The following COL12A1 variants were observed in gnomAD, a reference collection of about 807,000 sequenced individuals.
COL12A1 encodes collagen alpha-1(XII) chain.
Under a neutral mutation model 349.7 loss-of-function variants are expected in COL12A1, and 114 were observed. That is an observed-to-expected ratio of 0.33 (90% CI 0.28 to 0.38). The LOEUF is 0.38. COL12A1 is among the 10% of genes least tolerant of loss of function. COL12A1 has a pLI of 1.00. For missense variants in COL12A1, 3,284 were observed against 3,756.9 expected, an observed-to-expected ratio of 0.87 and a Z score of 3.29; for synonymous variants, 1,369 against 1,329.0, an observed-to-expected ratio of 1.03 and a Z score of -0.66.
chr6:75,148,296 C>T (rs906635583), intron 22 of COL12A1, 62 bp downstream of exon 22: 1 of 1,524,824 alleles, frequency 6.6e-7, no homozygotes. Context: ...TTCTCAGAGT[C>T]CTAATGAGGA....
chr6:75,148,509 A>C lies in COL12A1; in HGVS notation c.4148-12T>G. 6.2e-7 allele frequency: 1 copy of C among 1,609,352 alleles called. No homozygotes were observed. The highest frequency in any genetic ancestry group is 8.5e-7 in the Non-Finnish European group (1 of 1,176,878). On this transcript the variant is annotated splice_polypyrimidine_tract_variant and intron_variant, in intron 21 of 65. Transcript: ENST00000322507. ...TGCTTCCAAATCACCTACACATGGAAATAAAGGGTATACACTTTTCTCATT... is the reference window on the plus strand; with the variant it reads ...TGCTTCCAAATCACCTACACATGGACATAAAGGGTATACACTTTTCTCATT...
Position 75,177,804 on chromosome 6 carries a change from T to C in COL12A1, c.2296A>G (p.Arg766Gly). 6.2e-7 allele frequency: 1 copy of C among 1,614,160 alleles called. No homozygotes were observed. Among genetic ancestry groups the C allele is most frequent in the Non-Finnish European group, 8.5e-7 (1 of 1,180,024 alleles). ...TGATTGGGTGGGGTGGTAACTTCTC[T>C]GCTCTCTCCACCAGCAACTGGTCTA... is the stretch of plus-strand genomic sequence containing the variant. ...IYRPVAGGESREVTTPPNQRR... is the reference protein window; with the variant it reads ...IYRPVAGGESGEVTTPPNQRR... Residue 766 changes from arginine (R) to glycine (G), a missense_variant, in exon 12 of 66, where the codon AGA (arginine) becomes GGA (glycine). Around this residue, in one of 2 missense-constraint regions of COL12A1, gnomAD observed 2,601 missense variants for 2,824.8 expected, o/e 0.92. Coordinates refer to ENST00000322507, the MANE Select transcript of COL12A1 (RefSeq NM_004370.6).
chr6:75,149,132 T>C (rs1203594225), intron 21 of COL12A1, among the ~76,000 whole-genome samples: 1 of 152,088 alleles, frequency 6.6e-6, no homozygotes, highest in Admixed American at 6.6e-5. Flanking sequence ...GGTAGGTCTT[T>C]ATTAGCAGCA....
At position 75,085,444 on chromosome 6, in the gene COL12A1, C is replaced by G. The variant is rs982481828; in HGVS notation, c.*1103G>C. 1 of 431,940 alleles carries G rather than the reference C, an allele frequency of 2.3e-6. No homozygotes were observed. The highest frequency in any genetic ancestry group is 2.0e-5 in the African/African-American group (1 of 49,266). 26.8% of individuals were successfully genotyped at this position (431,940 alleles called of 1,614,324 possible). A position where few individuals can be genotyped will look rare whatever the true frequency, so the allele number is the denominator to read the frequency against. ...CACACAGCAAAAGCTAAATCATCAC[C>G]CGCGGTGATGGCACTCCAGTCTTAA... On this transcript the variant is annotated 3_prime_UTR_variant, in exon 66 of 66. Coordinates refer to ENST00000322507, the MANE Select transcript of COL12A1 (RefSeq NM_004370.6).
At chr6:75,160,293 A>G (rs1027940365) in intron 14 of COL12A1, among the ~76,000 whole-genome samples, 1 of 152,126 alleles carries the variant, frequency 6.6e-6, no homozygotes, top group Non-Finnish European at 1.5e-5. Flanking sequence ...TCTAACCCCA[A>G]TTCATGATTT....
At position 75,123,446 on chromosome 6, in the gene COL12A1, A is replaced by T. The variant is rs1273343208; in HGVS notation, c.6872-42T>A. The T allele has an allele frequency of 2.1e-6, 3 of 1,434,126 alleles. No homozygotes were observed. The East Asian group carries it at 7.4e-5, about 36-fold the overall frequency. 88.8% of individuals were successfully genotyped at this position (1,434,126 alleles called of 1,614,324 possible). On this transcript the variant is annotated intron_variant, in intron 42 of 65. Coordinates refer to ENST00000322507, the MANE Select transcript of COL12A1 (RefSeq NM_004370.6). ...ATAATTATAAAAACACACCATGTGC[A>T]CATTTGATATCCCAGAAAGTAAATT...
chr6:75,144,594 AGTAAGTGG>A (rs1401124940), intron 25 of COL12A1, among the ~76,000 whole-genome samples: 4 of 152,202 alleles, frequency 2.6e-5, no homozygotes, highest in African/African-American at 9.6e-5. Context: ...GGCAAGAGGC[AGTAAGTGG>A]GTAAATGCAA....
intron 13 of COL12A1, among the ~76,000 whole-genome samples, chr6:75,171,422 C>T (rs528188971): frequency 5.9e-5 from 9 of 152,278 alleles, no homozygotes; most frequent in Admixed American, 3.3e-4. Flanking sequence ...AAAAAAAGTA[C>T]TAGGAAATAG....
At chr6:75,137,918 T>TTCTC (rs138347813) in intron 30 of COL12A1, among the ~76,000 whole-genome samples, 2 of 151,672 alleles carry the variant, frequency 1.3e-5, no homozygotes, top group Non-Finnish European at 2.9e-5. Flanking sequence ...AGAGAGTTTA[T>TTCTC]TCTCTCTCTC....
rs1768489269 is a variant in COL12A1 at position 75,105,215 on chromosome 6, TG to T, written c.8255del (p.Pro2752GlnfsTer31). The T allele has an allele frequency of 6.2e-7, 1 of 1,613,042 alleles. No homozygotes were observed. Among genetic ancestry groups the T allele is most frequent in the Admixed American group, 1.7e-5 (1 of 59,928 alleles). On this transcript the variant is annotated frameshift_variant, in exon 54 of 66. Transcript: ENST00000322507. LOFTEE classifies it high-confidence loss of function. Reference protein sequence around the residue: ...TQDSVGPPGPPGPAGGPGAKG... With the variant: ...TQDSVGPPGPXGPAGGPGAKG... ...ATTTCAATTTCCTTACTGCAGGGCC[TG>T]GAGGTCCTGGAGGTCCAACGCTGTC...
intron 35 of COL12A1, among the ~76,000 whole-genome samples, chr6:75,131,736 T>C (rs900382145): frequency 1.3e-5 from 2 of 152,234 alleles, no homozygotes; most frequent in East Asian, 3.8e-4. Context: ...TTTTAACTCA[T>C]CCAGCTAATT....
chr6:75,084,943 C>T lies in COL12A1; in HGVS notation c.*1604G>A, dbSNP rs774948758. 88 of 273,468 alleles carry T rather than the reference C, an allele frequency of 3.2e-4. No individual in the cohort carries two copies. The highest frequency in any genetic ancestry group is 1.4e-3 in the Middle Eastern group (1 of 734). 16.9% of individuals were successfully genotyped at this position (273,468 alleles called of 1,614,324 possible). Reference sequence around the variant, plus strand: ...ACTAAAGGCACACGGCATGTTCTCTCTTTGCAGCTTTTGTTAACAAAGTAT... The same window carrying T: ...ACTAAAGGCACACGGCATGTTCTCTTTTTGCAGCTTTTGTTAACAAAGTAT... On this transcript the variant is annotated 3_prime_UTR_variant, in exon 66 of 66. Coordinates refer to ENST00000322507, the MANE Select transcript of COL12A1 (RefSeq NM_004370.6).
chr6:75,171,053 G>A (rs368123157), intron 13 of COL12A1, among the ~76,000 whole-genome samples: 74 of 152,234 alleles, frequency 4.9e-4, no homozygotes, highest in Middle Eastern at 3.4e-3. Flanking sequence ...GTGGTCAATC[G>A]CTGAATTAAA....
At position 75,181,063 on chromosome 6, in the gene COL12A1, T is replaced by G. The variant is rs1769252375; in HGVS notation, c.2040A>C (p.Pro680=). ...AGDDEVTVVE[P]ASSTSVVLSS... Reference sequence around the variant, plus strand: ...TGAGAACAACACTGGTGCTCGATGCTGGCTCCACCACAGTGACCTCATCAT... The same window carrying G: ...TGAGAACAACACTGGTGCTCGATGCGGGCTCCACCACAGTGACCTCATCAT... The change falls in exon 11 of 66, where the codon CCA becomes CCC. Residue 680 remains proline, a synonymous_variant. Transcript: ENST00000322507. The G allele has an allele frequency of 6.2e-7, 1 of 1,614,132 alleles. No homozygotes were observed.
At chr6:75,139,102 C>G in intron 27 of COL12A1, 141 bp from the exon 28 acceptor site, 1 of 871,800 alleles carries the variant, frequency 1.1e-6, no homozygotes, top group Non-Finnish European at 1.7e-6. Flanking sequence ...AATATTTCAC[C>G]AATTCCTAGA....
chr6:75,194,911 T>C lies in COL12A1; in HGVS notation c.110A>G (p.Asp37Gly), dbSNP rs374757163. Residue 37 changes from aspartate to glycine, a missense_variant, in exon 3 of 66, where the codon GAT becomes GGT. Transcript: ENST00000322507. ...PPSDLNFKII[D>G]ENTVHMSWAK... is the part of the protein sequence containing the mutation. ...CCATGACATATGAACAGTATTTTCA[T>C]CTATAATTTTAAAATTCAAGTCTGA... 35 of 1,608,514 alleles carry C rather than the reference T, an allele frequency of 2.2e-5. No homozygotes were observed. Among genetic ancestry groups the C allele is most frequent in the African/African-American group, 8.0e-5 (6 of 74,748 alleles).
Position 75,155,923 on chromosome 6 carries a change from C to G in COL12A1, c.3251-69G>C, listed in dbSNP as rs1767733085. ...GGCTTTGGGGTTTCTTTTTTATTAG[C>G]CCCACAAAAATGCATATCCATAAAA... On this transcript the variant is annotated intron_variant, in intron 15 of 65. Coordinates refer to ENST00000322507, the MANE Select transcript of COL12A1 (RefSeq NM_004370.6). The G allele has an allele frequency of 2.7e-6, 4 of 1,466,888 alleles. No individual in the cohort carries two copies. The Admixed American group carries it at 1.0e-4, about 37-fold the overall frequency. 90.9% of individuals were successfully genotyped at this position (1,466,888 alleles called of 1,614,324 possible). A position where few individuals can be genotyped will look rare whatever the true frequency, so the allele number is the denominator to read the frequency against.
chr6:75,164,048 T>C (rs1768156525), intron 14 of COL12A1, among the ~76,000 whole-genome samples: 1 of 152,174 alleles, frequency 6.6e-6, no homozygotes, highest in African/African-American at 2.4e-5. Context: ...ACAAGTGAAT[T>C]TCCTCAAAAG....
chr6:75,111,575 G>A (rs1425414557), intron 51 of COL12A1, among the ~76,000 whole-genome samples: 2 of 151,656 alleles, frequency 1.3e-5, no homozygotes, highest in African/African-American at 2.4e-5. Flanking sequence ...GGTTATGAAA[G>A]GAAAAATAAA....
Sources: allele counts gnomAD v4.1 joint callset (sites outside exome capture counted in the v4.1 genomes callset), GRCh38; gene constraint gnomAD v4.1.1; regional missense constraint gnomAD v4.1.1; transcripts MANE v1.5; gene names NCBI Gene and HGNC (gene_info 2026-07-23, HGNC 2026-07-21).